Variants in PXDNL observed in about 807,000 individuals in gnomAD.
PXDNL encodes the protein peroxidasin like.
A neutral mutation model predicts 150.8 loss-of-function variants in PXDNL; 145 were observed. That is an observed-to-expected ratio of 0.96 (90% confidence interval 0.84 to 1.10). PXDNL has a LOEUF of 1.10. Ranked by LOEUF, PXDNL falls within the 50% of genes least tolerant of loss-of-function variation. PXDNL has a pLI of 0.00. For synonymous variants in PXDNL, 757 were observed against 725.7 expected (o/e 1.04, Z -0.69); for missense variants, 2,087 against 1,873.9 (o/e 1.11, Z -2.10).
chr8:51,702,929 G>C (rs1428634916), intron 1 of PXDNL, among the ~76,000 whole-genome samples: 1 of 152,152 alleles, frequency 6.6e-6, no homozygotes, highest in Non-Finnish European at 1.5e-5. Flanking sequence ...AGGGATTCTG[G>C]AATCTGAAAA....
intron 17 of PXDNL, among the ~76,000 whole-genome samples, chr8:51,383,035 G>A (rs1306088590): frequency 1.3e-5 from 2 of 152,050 alleles, no homozygotes; most frequent in African/African-American, 2.4e-5. Flanking sequence ...GGGAGTCTTC[G>A]TGCATATCCT....
intron 1 of PXDNL, among the ~76,000 whole-genome samples, chr8:51,767,618 T>A (rs2037245748): frequency 6.6e-6 from 1 of 152,162 alleles, no homozygotes; most frequent in South Asian, 2.1e-4. Context: ...CACTTCCTGT[T>A]TTGCAGGGCC....
At chr8:51,410,034 T>C (rs1371777517) in intron 16 of PXDNL, among the ~76,000 whole-genome samples, 1 of 152,208 alleles carries the variant, frequency 6.6e-6, no homozygotes, top group African/African-American at 2.4e-5. Context: ...CAGAATTGTT[T>C]TGTTGATTTT....
intron 12 of PXDNL, among the ~76,000 whole-genome samples, chr8:51,428,416 C>G (rs908957560): frequency 7.9e-5 from 12 of 151,866 alleles, no homozygotes; most frequent in Admixed American, 2.6e-4. Flanking sequence ...ATGTTTTTGA[C>G]AAAAAAGAAT....
intron 1 of PXDNL, among the ~76,000 whole-genome samples, chr8:51,804,166 T>G (rs1352426320): frequency 6.6e-6 from 1 of 152,206 alleles, no homozygotes; most frequent in Admixed American, 6.5e-5. Flanking sequence ...GTGGGACAAC[T>G]TGAAGCAAAG....
At chr8:51,340,859 A>G (rs535447920) in intron 20 of PXDNL, among the ~76,000 whole-genome samples, 1 of 152,364 alleles carries the variant, frequency 6.6e-6, no homozygotes, top group South Asian at 2.1e-4. Flanking sequence ...TAGGGATAAT[A>G]TTAATGCAAA....
chr8:51,696,767 T>C (rs1816145971), intron 1 of PXDNL, among the ~76,000 whole-genome samples: 2 of 2,546 alleles, frequency 7.9e-4, no homozygotes, highest in Non-Finnish European at 1.8e-3. Context: ...ACATAGGTCT[T>C]CACAGGTCCA....
intron 1 of PXDNL, among the ~76,000 whole-genome samples, chr8:51,735,728 A>G (rs1423981724): frequency 6.7e-6 from 1 of 148,692 alleles, no homozygotes; most frequent in Non-Finnish European, 1.5e-5. Context: ...TTGTATTTTT[A>G]GTAGAGACGG....
At chr8:51,514,585 C>T (rs555150275) in intron 4 of PXDNL, among the ~76,000 whole-genome samples, 6 of 152,184 alleles carry the variant, frequency 3.9e-5, no homozygotes, top group South Asian at 2.1e-4. Flanking sequence ...AATCTAAATG[C>T]CTTCCAATAC....
chr8:51,705,376 G>C (rs577191138), intron 1 of PXDNL, among the ~76,000 whole-genome samples: 2 of 152,262 alleles, frequency 1.3e-5, no homozygotes, highest in South Asian at 4.1e-4. Context: ...AGGTTACTTG[G>C]TCTGGCATAT....
At chr8:51,791,534 T>C (rs1431204392) in intron 1 of PXDNL, among the ~76,000 whole-genome samples, 4 of 152,234 alleles carry the variant, frequency 2.6e-5, no homozygotes, top group Non-Finnish European at 5.9e-5. Flanking sequence ...GCTGTGACCA[T>C]GTCATCCAGG....
intron 1 of PXDNL, among the ~76,000 whole-genome samples, chr8:51,730,417 G>C (rs1475492709): frequency 6.6e-6 from 1 of 151,958 alleles, no homozygotes; most frequent in Non-Finnish European, 1.5e-5. Context: ...CATAATCTGG[G>C]TGTCATCAAA....
At chr8:51,493,482 C>T (rs529407713) in intron 5 of PXDNL, among the ~76,000 whole-genome samples, 107 of 152,160 alleles carry the variant, frequency 7.0e-4, no homozygotes, top group East Asian at 3.9e-3. Flanking sequence ...CAAACTACTC[C>T]GAGCTAAAGG....
At chr8:51,530,983 G>A (rs546138300) in intron 4 of PXDNL, among the ~76,000 whole-genome samples, 3 of 152,320 alleles carry the variant, frequency 2.0e-5, no homozygotes, top group Non-Finnish European at 2.9e-5. Flanking sequence ...TATTTTGAAT[G>A]TGCACAAGAA....
chr8:51,379,199 C>T (rs1424832563), intron 17 of PXDNL, among the ~76,000 whole-genome samples: 1 of 152,082 alleles, frequency 6.6e-6, no homozygotes, highest in Non-Finnish European at 1.5e-5. Context: ...TCAAACTTGC[C>T]ATTGAAACTC....
intron 2 of PXDNL, among the ~76,000 whole-genome samples, chr8:51,640,538 C>G (rs1195794003): frequency 1.3e-5 from 2 of 152,166 alleles, no homozygotes; most frequent in Non-Finnish European, 2.9e-5. Context: ...ACAAAAATCA[C>G]AAGCATTCTT....
chr8:51,404,497 C>T (rs539034045), intron 17 of PXDNL, among the ~76,000 whole-genome samples: 1 of 146,396 alleles, frequency 6.8e-6, no homozygotes, highest in South Asian at 2.1e-4. Flanking sequence ...CATTTACAAA[C>T]CTTGAGCTAG....
chr8:51,447,748 T>C (rs1021277422), intron 11 of PXDNL, among the ~76,000 whole-genome samples: 3 of 152,204 alleles, frequency 2.0e-5, no homozygotes, highest in Admixed American at 1.3e-4. Context: ...AATTTTCAAC[T>C]AGTTCAGTGA....
chr8:51,554,883 G>T, intron 4 of PXDNL, among the ~76,000 whole-genome samples: 1 of 151,954 alleles, frequency 6.6e-6, no homozygotes, highest in East Asian at 1.9e-4. Flanking sequence ...TTGAGCCCTC[G>T]CCAGAACTGC....
Sources: allele counts gnomAD v4.1 joint callset (sites outside exome capture counted in the v4.1 genomes callset), GRCh38; gene constraint gnomAD v4.1.1; transcripts MANE v1.5; gene names NCBI Gene and HGNC (gene_info 2026-07-23, HGNC 2026-07-21).